The following ZZEF1 variants were observed in gnomAD, a reference collection of about 807,000 sequenced individuals.
ZZEF1 encodes the protein zinc finger ZZ-type and EF-hand domain-containing protein 1.
In ZZEF1, 157 loss-of-function variants were observed where a neutral mutation model predicts 342.8. The observed-to-expected ratio is 0.46, with a 90% confidence interval of 0.40 to 0.52. The LOEUF (loss-of-function observed/expected upper bound fraction) is 0.52. Among genes scored for constraint, ZZEF1 ranks in the 20% least tolerant of loss-of-function variants. The pLI is 0.00. For synonymous variants in ZZEF1, 1,505 were observed against 1,429.1 expected, an observed-to-expected ratio of 1.05 and a Z score of -1.20; for missense variants, 3,480 against 3,725.6, an observed-to-expected ratio of 0.93 and a Z score of 1.72.
chr17:4,011,927 C>T (rs1350275427), intron 52 of ZZEF1, among the ~76,000 whole-genome samples: 2 of 152,184 alleles, frequency 1.3e-5, no homozygotes, highest in African/African-American at 4.8e-5. Flanking sequence ...TTGTGTGTGG[C>T]CTCCGGGCCA....
At position 4,013,474 on chromosome 17, in the gene ZZEF1, T is replaced by C. The variant is rs1381946696; in HGVS notation, c.8554A>G (p.Arg2852Gly). 1.9e-6 allele frequency: 3 copies of C among 1,612,792 alleles called. No individual in the cohort carries two copies. The highest frequency in any genetic ancestry group is 1.7e-4 in the Middle Eastern group (1 of 6,056). The change falls in exon 52 of 55, where the codon AGG becomes GGG. Residue 2852 changes from arginine (R) to glycine (G), a missense_variant. By Grantham distance (125) the Arg-to-Gly change is moderately radical. This residue lies in a region of ZZEF1 where 1,269 missense variants were observed against 1,342.4 expected (regional missense o/e 0.95). Transcript: ENST00000381638. ...QRLKAIHLLL[R>G]IVRCCGHSDL... ...CTGTGGCCGCAGCATCGCACAATCC[T>C]CAGAAGTAAGTGGATGGCTTTTAAT...
intron 35 of ZZEF1, among the ~76,000 whole-genome samples, chr17:4,051,705 C>A (rs1267237746): frequency 1.3e-5 from 2 of 150,442 alleles, no homozygotes; most frequent in African/African-American, 4.9e-5. Context: ...CGTGAGCCAC[C>A]GAGCCTGGTC....
At chr17:4,116,853 A>C in intron 3 of ZZEF1, 119 bp downstream of exon 3, 2 of 1,064,054 alleles carry the variant, frequency 1.9e-6, no homozygotes, top group South Asian at 3.4e-5. Context: ...TTACGTTACA[A>C]ACTCATGACT....
chr17:4,004,554 ATTCT>A lies in ZZEF1; in HGVS notation c.*2332_*2335del, dbSNP rs1597738381. 2 of 152,590 alleles carry A rather than the reference ATTCT, an allele frequency of 1.3e-5. No individual in the cohort carries two copies. Among genetic ancestry groups the A allele is most frequent in the African/African-American group, 4.8e-5 (2 of 41,466 alleles). The allele number at this position is 152,590 out of a possible 1,614,324, so 9.5% of individuals were successfully genotyped here. On this transcript the variant is annotated 3_prime_UTR_variant, in exon 55 of 55. Transcript: ENST00000381638. ...ACTCACTCAGGCTGATAGAATCAAA[ATTCT>A]TTCAACCAAATAAGAAAAATTCAAA...
chr17:4,091,880 C>T (rs2057949385), intron 11 of ZZEF1, among the ~76,000 whole-genome samples: 1 of 150,914 alleles, frequency 6.6e-6, no homozygotes, highest in African/African-American at 2.4e-5. Flanking sequence ...AATTCGAGAC[C>T]AGCCTGACCA....
intron 6 of ZZEF1, 52 bp downstream of exon 6, chr17:4,109,601 T>C: frequency 1.9e-6 from 3 of 1,570,684 alleles, no homozygotes; most frequent in Non-Finnish European, 1.8e-6. Context: ...TAAAGGATGA[T>C]GGGAGAATGA....
intron 26 of ZZEF1, among the ~76,000 whole-genome samples, chr17:4,068,951 A>AT (rs771316723): frequency 1.1e-4 from 17 of 152,228 alleles, no homozygotes; most frequent in Non-Finnish European, 2.5e-4. Context: ...TATAATATCT[A>AT]TATCAATATC....
At chr17:4,064,232 T>C (rs922506437) in intron 29 of ZZEF1, 129 bp downstream of exon 29, 1 of 800,398 alleles carries the variant, frequency 1.2e-6, no homozygotes, top group African/African-American at 1.7e-5. Flanking sequence ...TTCTTGAATA[T>C]TCTAAAACAA....
At chr17:4,132,490 G>A (rs577127624) in intron 1 of ZZEF1, among the ~76,000 whole-genome samples, 123 of 151,426 alleles carry the variant, frequency 8.1e-4, no homozygotes, top group South Asian at 5.7e-3. Context: ...CGAGGTCAGG[G>A]CATCAAGACC....
In ZZEF1 at chr17:4,016,895, G is replaced by A. The variant is rs2056116901; in HGVS notation, c.8002-429C>T. 5.2e-6 allele frequency: 1 copy of A among 191,608 alleles called. No individual in the cohort carries two copies. 11.9% of individuals were successfully genotyped at this position (191,608 alleles called of 1,614,324 possible). On this transcript the variant is annotated intron_variant, in intron 48 of 54. Coordinates refer to ENST00000381638, the MANE Select transcript of ZZEF1 (RefSeq NM_015113.4). This position sits in a 1 kb window ranked among gnomAD's most constrained non-coding sequence, Gnocchi z 4.4. ...TATGCAAGGGCCTAGTAGAGGCAGGGTGGCTCCCTCTGTCCCTTCCGAAAG... is the reference window on the plus strand; with the variant it reads ...TATGCAAGGGCCTAGTAGAGGCAGGATGGCTCCCTCTGTCCCTTCCGAAAG...
intron 11 of ZZEF1, among the ~76,000 whole-genome samples, chr17:4,091,367 C>A (rs1222025827): frequency 6.6e-6 from 1 of 152,212 alleles, no homozygotes; most frequent in African/African-American, 2.4e-5. Flanking sequence ...TTAAGAAGTT[C>A]TTTCAGAAAA....
At chr17:4,087,737 T>C (rs1282622288) in intron 13 of ZZEF1, among the ~76,000 whole-genome samples, 1 of 152,012 alleles carries the variant, frequency 6.6e-6, no homozygotes, top group Non-Finnish European at 1.5e-5. Flanking sequence ...TATATGTGTG[T>C]GTTATATGTA....
chr17:4,041,256 T>C (rs986232016), intron 39 of ZZEF1, among the ~76,000 whole-genome samples: 1 of 151,984 alleles, frequency 6.6e-6, no homozygotes, highest in Non-Finnish European at 1.5e-5. Flanking sequence ...TGAGCTACAG[T>C]GTGGTCTTCT....
At chr17:4,021,406 T>G in intron 44 of ZZEF1, 86 bp from the exon 45 acceptor site, 2 of 1,048,544 alleles carry the variant, frequency 1.9e-6, no homozygotes, top group Non-Finnish European at 2.7e-6. Context: ...ATATTGGGCC[T>G]AACTTTTTAA....
chr17:4,086,001 T>A (rs2057812017), intron 15 of ZZEF1, among the ~76,000 whole-genome samples, 198 bp from the exon 16 acceptor site: 1 of 152,246 alleles, frequency 6.6e-6, no homozygotes, highest in Admixed American at 6.5e-5. Flanking sequence ...ACCGTATGTA[T>A]CAGTTTTTAT....
At chr17:4,031,525 T>C (rs2056547689) in intron 42 of ZZEF1, among the ~76,000 whole-genome samples, 1 of 152,082 alleles carries the variant, frequency 6.6e-6, no homozygotes, top group Non-Finnish European at 1.5e-5. Flanking sequence ...AAATGGATGT[T>C]CATACGCAAA....
chr17:4,032,469 C>A (rs778461696), intron 41 of ZZEF1, among the ~76,000 whole-genome samples: 5 of 152,162 alleles, frequency 3.3e-5, no homozygotes, highest in Admixed American at 2.0e-4. Flanking sequence ...GTTTTTACAG[C>A]CCCCTTTGTC....
At chr17:4,059,007 G>A (rs941680924) in intron 31 of ZZEF1, among the ~76,000 whole-genome samples, 164 bp downstream of exon 31, 3 of 152,162 alleles carry the variant, frequency 2.0e-5, no homozygotes, top group Non-Finnish European at 2.9e-5. Flanking sequence ...GAAAATATAC[G>A]AATAAGTTAA....
chr17:4,049,575 T>A, intron 37 of ZZEF1, 133 bp downstream of exon 37: 3 of 1,001,134 alleles, frequency 3.0e-6, no homozygotes, highest in East Asian at 4.9e-5. Context: ...CAAGGTTTGA[T>A]GGAGCAGGCA....
Sources: gnomAD v4.1 joint callset for allele counts (sites outside exome capture counted in the v4.1 genomes callset) on GRCh38, gnomAD v4.1.1 for gene constraint, gnomAD v4.1.1 regional missense constraint, Gnocchi (gnomAD v3.1) non-coding constraint, MANE v1.5 for transcripts, NCBI Gene and HGNC (gene_info 2026-07-23, HGNC 2026-07-21) for gene names.